C8orf74: variants seen among roughly 807,000 people sequenced by gnomAD.
C8orf74 encodes the protein uncharacterized protein C8orf74.
C8orf74 carries 29 observed loss-of-function variants against 22.2 expected under a neutral mutation model. The observed-to-expected ratio is 1.31, with a 90% CI of 0.97 to 1.78. The LOEUF (loss-of-function observed/expected upper bound fraction) is 1.78, where lower values mean the gene tolerates loss of function less well. C8orf74 is among the 40% of genes most tolerant of loss of function. The pLI is 0.00. For missense variants in C8orf74, 515 were observed against 369.9 expected (o/e 1.39, Z -3.22); for synonymous variants, 255 against 163.1 (o/e 1.56, Z -4.30).
chr8:10,680,082 G>A (rs540250759), intron 2 of C8orf74: 1 of 152,312 alleles, frequency 6.6e-6, no homozygotes, highest in African/African-American at 2.4e-5. Context: ...ACTAATAAAT[G>A]AGTCAATTCC....
chr8:10,693,124 A>G (rs910583185), intron 2 of C8orf74, among the ~76,000 whole-genome samples: 5 of 152,202 alleles, frequency 3.3e-5, no homozygotes, highest in African/African-American at 1.2e-4. Context: ...CCTCATCTCC[A>G]GCCAGGCAGC....
At chr8:10,692,530 G>A (rs1361731471) in intron 2 of C8orf74, 1 of 152,248 alleles carries the variant, frequency 6.6e-6, no homozygotes, top group African/African-American at 2.4e-5. Context: ...TTTTGTGTGT[G>A]TGTGAGACAA....
intron 2 of C8orf74, among the ~76,000 whole-genome samples, chr8:10,695,871 C>T (rs1012508747): frequency 1.3e-5 from 2 of 152,058 alleles, no homozygotes; most frequent in Non-Finnish European, 2.9e-5. Flanking sequence ...CTTTCATTGT[C>T]GGCAGAAGGA....
intron 2 of C8orf74, chr8:10,675,745 G>A (rs1209240536): frequency 6.6e-6 from 1 of 152,156 alleles, no homozygotes; most frequent in Non-Finnish European, 1.5e-5. Context: ...CTCATGGCCC[G>A]AATCTAATCA....
chr8:10,683,701 G>C (rs574390608), intron 2 of C8orf74, among the ~76,000 whole-genome samples: 1 of 152,294 alleles, frequency 6.6e-6, no homozygotes, highest in South Asian at 2.1e-4. Context: ...CAGCTTATGA[G>C]AGTTGAGAGG....
rs185375407 is a variant in C8orf74, at chr8:10,690,642, A to C, written c.242-6957A>C. Among the ~76,000 whole-genome samples the C allele has an allele frequency of 4.5e-3, 683 of 152,192 alleles. 5 individuals are homozygous for C. Among genetic ancestry groups the C allele is most frequent in the African/African-American group, 0.016 (657 of 41,536 alleles). On this transcript the variant is annotated intron_variant, in intron 2 of 3. Coordinates refer to ENST00000304519, the MANE Select transcript of C8orf74 (RefSeq NM_001040032.2). ...CACCCGCTCAGGCACACCCAGAAGG[A>C]GCAGCCTTCCCCGTTTCCAGCCCCG...
At chr8:10,694,678 C>T (rs1265776621) in intron 2 of C8orf74, among the ~76,000 whole-genome samples, 1 of 152,194 alleles carries the variant, frequency 6.6e-6, no homozygotes, top group East Asian at 1.9e-4. Flanking sequence ...AAGACAGTTT[C>T]TTGTGTTACT....
At position 10,674,779 on chromosome 8, in the gene C8orf74, C is replaced by T. The variant is rs1798996684; in HGVS notation, c.182C>T (p.Pro61Leu). 1.2e-6 allele frequency: 2 copies of T among 1,607,102 alleles called. No homozygotes were observed. Among genetic ancestry groups the T allele is most frequent in the East Asian group, 2.2e-5 (1 of 44,634 alleles). ...ATCTTTGCAGTGGGCAAAGGCTTCCCATGGGTGGAGGTGGCCCAGGTGGTC... is the reference window on the plus strand; with the variant it reads ...ATCTTTGCAGTGGGCAAAGGCTTCCTATGGGTGGAGGTGGCCCAGGTGGTC... ...SIIFAVGKGF[P>L]WVEVAQVVKF... The change falls in exon 2 of 4, where the codon CCA becomes CTA. Residue 61 changes from proline to leucine, a missense_variant. By Grantham distance (98) the Pro-to-Leu change is moderately conservative. Transcript: ENST00000304519.
At chr8:10,693,168 C>T (rs1799419675) in intron 2 of C8orf74, among the ~76,000 whole-genome samples, 1 of 152,202 alleles carries the variant, frequency 6.6e-6, no homozygotes, top group Admixed American at 6.5e-5. Flanking sequence ...TGCTCACTGC[C>T]TTCCTCCCCG....
At chr8:10,681,526 C>T (rs192834994) in intron 2 of C8orf74, among the ~76,000 whole-genome samples, 13 of 152,108 alleles carry the variant, frequency 8.5e-5, no homozygotes, top group African/African-American at 2.4e-4. Flanking sequence ...GCCCAGGAGG[C>T]CTGCACAGGA....
rs775974008 is a variant in C8orf74, at chr8:10,700,408, C to G, written c.822C>G (p.Gly274=). ...PIPPPITSHA[G]QEEALKPQRA... is the part of the protein sequence containing the mutation. ...CGCCCCCCATCACCAGCCACGCAGG[C>G]CAGGAGGAAGCCCTGAAGCCCCAAA... Residue 274 remains glycine (G), a synonymous_variant, in exon 4 of 4, where the codon GGC becomes GGG. Transcript: ENST00000304519. 6.2e-7 allele frequency: 1 copy of G among 1,606,654 alleles called. No individual in the cohort carries two copies. The highest frequency in any genetic ancestry group is 8.5e-7 in the Non-Finnish European group (1 of 1,175,722).
At chr8:10,700,092 A>G (rs1389661890) in intron 3 of C8orf74, 143 bp from the exon 4 acceptor site, 1 of 519,430 alleles carries the variant, frequency 1.9e-6, no homozygotes, top group Non-Finnish European at 3.3e-6. Context: ...CAGAAGCCAG[A>G]GGTCCAGGCA....
chr8:10,697,757 C>G lies in C8orf74; in HGVS notation c.400C>G (p.Gln134Glu). The G allele has an allele frequency of 6.2e-7, 1 of 1,614,070 alleles. No homozygotes were observed. Among genetic ancestry groups the G allele is most frequent in the Non-Finnish European group, 8.5e-7 (1 of 1,179,902 alleles). The stretch of plus-strand genomic sequence containing the variant: ...CCAGTATGTCCTGGGCCAGGACCAG[C>G]AGGTCGACCTGACCGTTGCCCACCT... ...LYQYVLGQDQ[Q>E]VDLTVAHLEV... The change falls in exon 3 of 4, where the codon CAG becomes GAG. Residue 134 changes from glutamine (Q) to glutamate (E), a missense_variant. Coordinates refer to ENST00000304519, the MANE Select transcript of C8orf74 (RefSeq NM_001040032.2).
At chr8:10,686,981 G>A in intron 2 of C8orf74, 3 of 414,836 alleles carry the variant, frequency 7.2e-6, no homozygotes, top group South Asian at 5.0e-5. Context: ...CCATAGGTGA[G>A]TAGAATCACC....
chr8:10,680,156 G>T (rs1032461629), intron 2 of C8orf74, among the ~76,000 whole-genome samples: 1 of 152,366 alleles, frequency 6.6e-6, no homozygotes, highest in South Asian at 2.1e-4. Context: ...TCTTGCCCCA[G>T]TGACGCTCCT....
At chr8:10,697,566 C>T in intron 2 of C8orf74, 33 bp from the exon 3 acceptor site, 1 of 1,595,524 alleles carries the variant, frequency 6.3e-7, no homozygotes, top group South Asian at 1.2e-5. Context: ...CTCTGTCCCA[C>T]TCCCACTCTG....
rs1311946702 is a variant in C8orf74, at chr8:10,687,628, A to AG, written c.242-9971_242-9970insG. On this transcript the variant is annotated intron_variant, in intron 2 of 3. Coordinates refer to ENST00000304519, the MANE Select transcript of C8orf74 (RefSeq NM_001040032.2). ...GAGACTCCATCTCAAAAAAAAAAAA[A>AG]AAAAAAAAAGAAAGAGATTGTATTA... is the stretch of plus-strand genomic sequence containing the variant. Among the ~76,000 whole-genome samples, 4 of 151,844 alleles carry AG rather than the reference A, an allele frequency of 2.6e-5. No homozygotes were observed. In the East Asian group the frequency reaches 7.7e-4, roughly 29 times the overall value.
At chr8:10,673,590 G>T (rs1798961992) in intron 1 of C8orf74, 2 of 153,736 alleles carry the variant, frequency 1.3e-5, no homozygotes, top group Non-Finnish European at 1.5e-5. Context: ...TTAGGCAGGG[G>T]GATAGGGATC....
intron 2 of C8orf74, among the ~76,000 whole-genome samples, chr8:10,690,423 G>A (rs544965358): frequency 6.6e-6 from 1 of 152,290 alleles, no homozygotes; most frequent in Non-Finnish European, 1.5e-5. Context: ...AATGCGGCGT[G>A]CGGGGGATGA....
Sources: allele counts gnomAD v4.1 joint callset (sites outside exome capture counted in the v4.1 genomes callset), GRCh38; gene constraint gnomAD v4.1.1; transcripts MANE v1.5; gene names NCBI Gene and HGNC (gene_info 2026-07-23, HGNC 2026-07-21).